The following HDAC4 variants were observed in gnomAD, a reference collection of about 807,000 sequenced individuals.
HDAC4 encodes the protein histone deacetylase A.
In HDAC4, 16 loss-of-function variants were observed where a neutral mutation model predicts 135.1. The observed-to-expected ratio is 0.12, with a 90% CI of 0.08 to 0.18. The LOEUF (loss-of-function observed/expected upper bound fraction) is 0.18. Ranked by LOEUF, HDAC4 falls within the 10% of genes least tolerant of loss-of-function variation. The probability of loss-of-function intolerance (pLI) is 1.00; values close to 1 mark genes in which losing one functional copy is unlikely to be tolerated. For missense variants in HDAC4, 1,143 were observed against 1,511.8 expected, an observed-to-expected ratio of 0.76 and a Z score of 4.05; for synonymous variants, 685 against 653.4, an observed-to-expected ratio of 1.05 and a Z score of -0.74.
At chr2:239,251,182 C>T (rs573294517) in intron 2 of HDAC4, among the ~76,000 whole-genome samples, 18 of 152,318 alleles carry the variant, frequency 1.2e-4, no homozygotes, top group African/African-American at 3.1e-4. Flanking sequence ...ATATACACCA[C>T]GTAGTTTTAT....
intron 2 of HDAC4, among the ~76,000 whole-genome samples, chr2:239,300,757 C>A (rs909584843): frequency 5.3e-5 from 8 of 152,370 alleles, no homozygotes; most frequent in Admixed American, 1.3e-4. Context: ...CCGGTTCTTA[C>A]AGAATTTTTC....
chr2:239,393,370 C>T (rs1456142701), intron 1 of HDAC4, among the ~76,000 whole-genome samples: 1 of 152,200 alleles, frequency 6.6e-6, no homozygotes, highest in African/African-American at 2.4e-5. Flanking sequence ...CAGAAGCAAA[C>T]TCTCCATTAA....
chr2:239,234,628 C>T (rs984446875), intron 3 of HDAC4, among the ~76,000 whole-genome samples: 3 of 152,156 alleles, frequency 2.0e-5, no homozygotes, highest in Admixed American at 6.5e-5. Context: ...TTATCATCCC[C>T]GGCTAAGAAA....
chr2:239,179,625 C>T (rs574595440), intron 4 of HDAC4, among the ~76,000 whole-genome samples: 1 of 152,322 alleles, frequency 6.6e-6, no homozygotes, highest in South Asian at 2.1e-4. Context: ...GACCGATTGC[C>T]GCTCTACAAC....
At chr2:239,343,244 T>G (rs1423599808) in intron 2 of HDAC4, among the ~76,000 whole-genome samples, 2 of 152,248 alleles carry the variant, frequency 1.3e-5, no homozygotes, top group Non-Finnish European at 2.9e-5. Context: ...GCCCATTTTT[T>G]GCCATGTTCT....
At chr2:239,399,914 G>A (rs907844805) in intron 1 of HDAC4, among the ~76,000 whole-genome samples, 3 of 152,206 alleles carry the variant, frequency 2.0e-5, no homozygotes, top group African/African-American at 7.2e-5. Context: ...ATGCAATAAA[G>A]AAAACACTCA....
At position 239,102,906 on chromosome 2, in the gene HDAC4, C is replaced by T. The variant is rs760051876; in HGVS notation, c.2113-10G>A. 9 of 1,613,736 alleles carry T rather than the reference C, an allele frequency of 5.6e-6. No individual in the cohort carries two copies. In the South Asian group the frequency reaches 8.8e-5, roughly 16 times the overall value. On this transcript the variant is annotated splice_polypyrimidine_tract_variant and intron_variant, in intron 15 of 26. Transcript: ENST00000543185. The stretch of plus-strand genomic sequence containing the variant: ...TGCGTCCGCGGATGCACTGTGGGGA[C>T]AGGCGAGAGGACACTCACACGTTCT...
chr2:239,202,643 C>T (rs2045826081), intron 3 of HDAC4, among the ~76,000 whole-genome samples: 1 of 152,026 alleles, frequency 6.6e-6, no homozygotes, highest in Non-Finnish European at 1.5e-5. Flanking sequence ...CAGGATGCAC[C>T]CTCCACGCGG....
At position 239,331,051 on chromosome 2, in the gene HDAC4, G is replaced by A. The variant is rs1691536684; in HGVS notation, c.22+21627C>T. Among the ~76,000 whole-genome samples the A allele has an allele frequency of 1.3e-5, 2 of 152,170 alleles. No individual in the cohort carries two copies. The highest frequency in any genetic ancestry group is 2.9e-5 in the Non-Finnish European group (2 of 68,040). On this transcript the variant is annotated intron_variant, in intron 2 of 26. Transcript: ENST00000543185. This position sits in a 1 kb window ranked among gnomAD's most constrained non-coding sequence, Gnocchi z 4.5. The stretch of plus-strand genomic sequence containing the variant: ...CCTTGGCTGCCCGAAATTCGGAGTG[G>A]GGAGGAAGGCAGATATGCCTGAATA...
intron 3 of HDAC4, among the ~76,000 whole-genome samples, chr2:239,224,853 A>G (rs1431043277): frequency 6.6e-6 from 1 of 152,218 alleles, no homozygotes; most frequent in Non-Finnish European, 1.5e-5. Flanking sequence ...CGCCTCTCAC[A>G]TGTTCTAATA....
rs532402838 is a variant in HDAC4 at position 239,061,954 on chromosome 2, C to T, written c.3003+4768G>A. Among the ~76,000 whole-genome samples, 8 of 152,334 alleles carry T rather than the reference C, an allele frequency of 5.3e-5. No homozygotes were observed. The East Asian group carries it at 9.7e-4, about 18-fold the overall frequency. ...TGGGCATGGTCTCAGACAGGAGAGA[C>T]GGTCCTTTCCTAACCTCCCGGGGGC... On this transcript the variant is annotated intron_variant, in intron 24 of 26. Coordinates refer to ENST00000543185, the MANE Select transcript of HDAC4 (RefSeq NM_001378414.1).
intron 1 of HDAC4, among the ~76,000 whole-genome samples, chr2:239,375,945 C>T (rs1291888775): frequency 1.3e-5 from 2 of 152,256 alleles, no homozygotes; most frequent in Non-Finnish European, 2.9e-5. Context: ...ACCTGGACCA[C>T]GTCATGTCCT....
chr2:239,368,833 T>A (rs149371677), intron 1 of HDAC4, among the ~76,000 whole-genome samples: 1 of 152,274 alleles, frequency 6.6e-6, no homozygotes, highest in Non-Finnish European at 1.5e-5. Context: ...TGATTCCAGG[T>A]GATAGCCCAA....
intron 1 of HDAC4, among the ~76,000 whole-genome samples, chr2:239,385,545 C>G (rs1420649751): frequency 6.6e-6 from 1 of 152,240 alleles, no homozygotes; most frequent in Non-Finnish European, 1.5e-5. Flanking sequence ...GTCTCAGCCT[C>G]AAGCCCCCTG....
At chr2:239,166,040 T>C (rs770494890) in intron 5 of HDAC4, among the ~76,000 whole-genome samples, 9 of 152,256 alleles carry the variant, frequency 5.9e-5, no homozygotes, top group Non-Finnish European at 1.3e-4. Flanking sequence ...AAATGATTAA[T>C]ATCATTAGAA....
intron 22 of HDAC4, among the ~76,000 whole-genome samples, chr2:239,075,223 C>CAAAAA (rs67188784): frequency 4.7e-4 from 15 of 31,776 alleles, no homozygotes; most frequent in Admixed American, 8.7e-4. Flanking sequence ...GACTCCGTCT[C>CAAAAA]AAAAAAAAAA....
At position 239,285,241 on chromosome 2, in the gene HDAC4, G is replaced by A. The variant is rs1575610070; in HGVS notation, c.23-48577C>T. On this transcript the variant is annotated intron_variant, in intron 2 of 26. Coordinates refer to ENST00000543185, the MANE Select transcript of HDAC4 (RefSeq NM_001378414.1). The surrounding 1 kb of genome is among the most constrained non-coding windows in gnomAD (Gnocchi z 4.5). ...CCACGGTGGAGGGGGACAGAGCCAC[G>A]CTAAGGAGGAACACAGCCATGCTGG... Among the ~76,000 whole-genome samples, 1 of 152,226 alleles carries A rather than the reference G, an allele frequency of 6.6e-6. No individual in the cohort carries two copies. The highest frequency in any genetic ancestry group is 2.4e-5 in the African/African-American group (1 of 41,448).
At chr2:239,367,327 T>C (rs533563935) in intron 1 of HDAC4, among the ~76,000 whole-genome samples, 1 of 152,240 alleles carries the variant, frequency 6.6e-6, no homozygotes, top group Non-Finnish European at 1.5e-5. Context: ...AAGGGTAAAA[T>C]GATGCCTCTC....
chr2:239,137,036 T>C (rs1343931392), intron 9 of HDAC4, among the ~76,000 whole-genome samples: 1 of 144,818 alleles, frequency 6.9e-6, no homozygotes, highest in East Asian at 1.9e-4. Flanking sequence ...GAAATGCTTG[T>C]GTTATCATTT....
Sources: gnomAD v4.1 joint callset for allele counts (sites outside exome capture counted in the v4.1 genomes callset) on GRCh38, gnomAD v4.1.1 for gene constraint, Gnocchi (gnomAD v3.1) non-coding constraint, MANE v1.5 for transcripts, NCBI Gene and HGNC (gene_info 2026-07-23, HGNC 2026-07-21) for gene names.